The following BPHL variants were observed in gnomAD, a reference collection of about 807,000 sequenced individuals.
BPHL encodes serine hydrolase BPHL.
In BPHL, 27 loss-of-function variants were observed where a neutral mutation model predicts 31.2. That is an observed-to-expected ratio of 0.87 (90% confidence interval 0.64 to 1.19). The LOEUF is 1.19. Ranked by LOEUF, BPHL falls within the 50% of genes most tolerant of loss-of-function variation. BPHL has a pLI of 0.00. For missense variants in BPHL, 356 were observed against 375.7 expected, an observed-to-expected ratio of 0.95 and a Z score of 0.43; for synonymous variants, 150 against 146.8, an observed-to-expected ratio of 1.02 and a Z score of -0.16.
At chr6:3,137,897 C>A in intron 5 of BPHL, 2 of 906,500 alleles carry the variant, frequency 2.2e-6, no homozygotes, top group South Asian at 1.5e-5. Context: ...TTAGATGTGT[C>A]TCCCCACGAG....
chr6:3,150,069 T>TTTCCCAGTTTCACAC (rs888795699), intron 6 of BPHL: 5 of 152,264 alleles, frequency 3.3e-5, no homozygotes, highest in African/African-American at 9.6e-5. Flanking sequence ...ATATGCCATG[T>TTTCCCAGTTTCACAC]TGCTGCCCAG....
At chr6:3,151,582 C>A (rs2143380) in intron 6 of BPHL, among the ~76,000 whole-genome samples, 12,825 of 152,104 alleles carry the variant, frequency 0.084, 779 homozygotes, top group African/African-American at 0.17. Context: ...TATTGAAACT[C>A]AAAAAATTAG....
intron 3 of BPHL, among the ~76,000 whole-genome samples, chr6:3,128,008 A>G (rs1279260978): frequency 6.6e-6 from 1 of 152,056 alleles, no homozygotes; most frequent in Non-Finnish European, 1.5e-5. Flanking sequence ...TTTAGTAGAG[A>G]CAGGGTTTCA....
chr6:3,137,018 G>T (rs951941093), intron 4 of BPHL, among the ~76,000 whole-genome samples: 2 of 152,176 alleles, frequency 1.3e-5, no homozygotes, highest in Non-Finnish European at 2.9e-5. Flanking sequence ...TATCTTTAAA[G>T]GAAAGCGGTA....
At chr6:3,146,233 T>G (rs145158865) in intron 6 of BPHL, among the ~76,000 whole-genome samples, 15 of 15,308 alleles carry the variant, frequency 9.8e-4, no homozygotes, top group South Asian at 3.3e-3. Flanking sequence ...GTGCTGGTTC[T>G]GGTTGGAGTG....
rs1762044023 is a variant in BPHL, at chr6:3,137,444, C to T, written c.615C>T (p.Thr205=). Residue 205 remains threonine (T), a synonymous_variant, in exon 5 of 7, where the codon ACC becomes ACT. Transcript: ENST00000380379. The part of the protein sequence containing the change: ...ALYGYDYFAR[T]CEKWVDGIRQ... ...ATGGGTATGACTACTTTGCCAGAAC[C>T]TGTGAAAAGTGGGTGGATGGCATAA... 6.2e-7 allele frequency: 1 copy of T among 1,612,994 alleles called. No homozygotes were observed. The highest frequency in any genetic ancestry group is 1.1e-5 in the South Asian group (1 of 90,996).
Position 3,140,991 on chromosome 6 carries a change from G to A in BPHL, c.788+482G>A, listed in dbSNP as rs1581479211. 6.6e-6 allele frequency among the ~76,000 whole-genome samples: 1 copy of A among 152,294 alleles called. No individual in the cohort carries two copies. Among genetic ancestry groups the A allele is most frequent in the Non-Finnish European group, 1.5e-5 (1 of 68,022 alleles). On this transcript the variant is annotated intron_variant, in intron 6 of 6. Coordinates refer to ENST00000380379, the MANE Select transcript of BPHL (RefSeq NM_004332.4). The surrounding 1 kb of genome is among the most constrained non-coding windows in gnomAD (Gnocchi z 5.2). ...TGTTCCCTGTCCCTAAAGCCCCCAG[G>A]CCAGCAGGGAAAGCAGGCACAGAAA... is the stretch of plus-strand genomic sequence containing the variant.
intron 4 of BPHL, among the ~76,000 whole-genome samples, chr6:3,134,337 A>T (rs1321874285): frequency 6.6e-6 from 1 of 151,782 alleles, no homozygotes; most frequent in Admixed American, 6.6e-5. Context: ...ACCTCTTCAC[A>T]GTGGGTGGCT....
At position 3,137,424 on chromosome 6, in the gene BPHL, T is replaced by A; in HGVS notation, c.595T>A (p.Tyr199Asn). 6.2e-7 allele frequency: 1 copy of A among 1,612,744 alleles called. No individual in the cohort carries two copies. The highest frequency in any genetic ancestry group is 2.2e-5 in the East Asian group (1 of 44,854). ...AAAGCCTCTAGAAGCCCTCTATGGGTATGACTACTTTGCCAGAACCTGTGA... is the reference window on the plus strand; with the variant it reads ...AAAGCCTCTAGAAGCCCTCTATGGGAATGACTACTTTGCCAGAACCTGTGA... ...TRKPLEALYG[Y>N]DYFARTCEKW... The change falls in exon 5 of 7, where the codon TAT becomes AAT. Residue 199 changes from tyrosine to asparagine, a missense_variant. Tyr to Asn is a moderately radical substitution (Grantham distance 143). Coordinates refer to ENST00000380379, the MANE Select transcript of BPHL (RefSeq NM_004332.4).
At chr6:3,141,757 T>G (rs1456452113) in intron 6 of BPHL, among the ~76,000 whole-genome samples, 2 of 152,176 alleles carry the variant, frequency 1.3e-5, no homozygotes, top group East Asian at 3.9e-4. Flanking sequence ...GCGGTTCACT[T>G]GAGGCCAGGA....
At chr6:3,120,953 T>C (rs1761553107) in intron 1 of BPHL, among the ~76,000 whole-genome samples, 1 of 152,198 alleles carries the variant, frequency 6.6e-6, no homozygotes, top group Non-Finnish European at 1.5e-5. Context: ...AGAGGAATCA[T>C]GGCCTCTGGA....
At chr6:3,151,322 T>G (rs3823100) in intron 6 of BPHL, among the ~76,000 whole-genome samples, 12,150 of 152,276 alleles carry the variant, frequency 0.08, 671 homozygotes, top group African/African-American at 0.15. Context: ...CAACTCATCC[T>G]TCTTTTCTGA....
intron 6 of BPHL, among the ~76,000 whole-genome samples, chr6:3,152,030 A>G (rs1361143920): frequency 1.3e-5 from 2 of 152,224 alleles, no homozygotes; most frequent in African/African-American, 4.8e-5. Flanking sequence ...TCTGCTTTGC[A>G]CTTGCCCACT....
In BPHL at chr6:3,142,174, A is replaced by G. The variant is rs143179009; in HGVS notation, c.788+1665A>G. On this transcript the variant is annotated intron_variant, in intron 6 of 6. Transcript: ENST00000380379. ...ACTCTTGTTGCCCAAGCTGAAGTGC[A>G]ATGGCGCGATCTCGGCTCACTGCAA... 3.9e-3 allele frequency among the ~76,000 whole-genome samples: 589 copies of G among 151,642 alleles called. 17 individuals carry two copies. The East Asian group carries it at 0.067, about 17-fold the overall frequency.
upstream of BPHL, chr6:3,118,627 G>A (rs890277732): frequency 5.1e-5 from 37 of 724,922 alleles, no homozygotes; most frequent in Admixed American, 1.3e-4. Flanking sequence ...GGGCGGAGCA[G>A]GATGGAGAGG....
intron 6 of BPHL, among the ~76,000 whole-genome samples, chr6:3,144,848 G>A (rs529799010): frequency 2.0e-4 from 30 of 152,362 alleles, no homozygotes; most frequent in African/African-American, 7.2e-4. Flanking sequence ...AGAGGGCCAT[G>A]TCTCTGTGGA....
At chr6:3,118,986 T>C in intron 1 of BPHL, 139 bp downstream of exon 1, 5 of 762,364 alleles carry the variant, frequency 6.6e-6, no homozygotes, top group Non-Finnish European at 9.1e-6. Flanking sequence ...TGTCGCCCTT[T>C]GTGCCGCGAG....
At chr6:3,126,108 G>A (rs1202768730) in intron 2 of BPHL, among the ~76,000 whole-genome samples, 1 of 152,190 alleles carries the variant, frequency 6.6e-6, no homozygotes. Context: ...AGCATGGGCT[G>A]TTTCATACTG....
At chr6:3,128,380 A>G (rs1225916661) in intron 3 of BPHL, among the ~76,000 whole-genome samples, 5 of 152,190 alleles carry the variant, frequency 3.3e-5, no homozygotes, top group African/African-American at 1.2e-4. Flanking sequence ...TAGTTACACC[A>G]TTTTATGGTC....
Sources: allele counts gnomAD v4.1 joint callset (sites outside exome capture counted in the v4.1 genomes callset), GRCh38; gene constraint gnomAD v4.1.1; non-coding constraint Gnocchi (gnomAD v3.1); transcripts MANE v1.5; gene names NCBI Gene and HGNC (gene_info 2026-07-23, HGNC 2026-07-21).